ATF7: variants seen among roughly 807,000 people sequenced by gnomAD.
ATF7 encodes the protein activating transcription factor 7.
A neutral mutation model predicts 50.4 loss-of-function variants in ATF7; 10 were observed. The ratio of observed to expected loss-of-function variants is 0.20; its 90% CI spans 0.12 to 0.34. The LOEUF is 0.34. Among genes scored for constraint, ATF7 ranks in the 10% least tolerant of loss-of-function variants. The pLI is 1.00. For synonymous variants in ATF7, 201 were observed against 226.4 expected (o/e 0.89, Z 1.01); for missense variants, 465 against 613.9 (o/e 0.76, Z 2.56).
intron 2 of ATF7, among the ~76,000 whole-genome samples, chr12:53,582,307 G>A (rs1271505230): frequency 2.0e-5 from 3 of 146,460 alleles, no homozygotes; most frequent in African/African-American, 7.6e-5. Flanking sequence ...CCAGCCTGGC[G>A]ACATAGCAAG....
intron 2 of ATF7, among the ~76,000 whole-genome samples, chr12:53,593,375 C>T (rs927557433): frequency 6.6e-6 from 1 of 151,920 alleles, no homozygotes; most frequent in Non-Finnish European, 1.5e-5. Flanking sequence ...GCCTGGGTGA[C>T]AGAACAAGAC....
chr12:53,552,417 AT>A, intron 3 of ATF7, 123 bp downstream of exon 3: 1 of 692,858 alleles, frequency 1.4e-6, no homozygotes, highest in South Asian at 1.9e-5. Flanking sequence ...TCCTGATTAA[AT>A]GCAGATCACA....
chr12:53,537,725 A>G (rs540103997), intron 4 of ATF7, among the ~76,000 whole-genome samples, 173 bp from the exon 5 acceptor site: 1 of 150,868 alleles, frequency 6.6e-6, no homozygotes, highest in East Asian at 2.0e-4. Flanking sequence ...TTTGTTTTGT[A>G]TTTTGAGGCG....
rs1720042872 is a variant in ATF7 at position 53,626,292 on chromosome 12, C to G, written c.-35G>C. The G allele has an allele frequency of 6.5e-6, 1 of 152,902 alleles. No individual in the cohort carries two copies. The highest frequency in any genetic ancestry group is 1.5e-5 in the Non-Finnish European group (1 of 68,258). The allele number at this position is 152,902 out of a possible 1,614,324, so 9.5% of individuals were successfully genotyped here. A position where few individuals can be genotyped will look rare whatever the true frequency, so the allele number is the denominator to read the frequency against. On this transcript the variant is annotated 5_prime_UTR_variant, in exon 1 of 12. Transcript: ENST00000420353. ...AAAAGGACTTACCGGCTGGTAGCTC[C>G]GTTGCCTCCCGCCTGCCCGCGCTCG...
intron 1 of ATF7, among the ~76,000 whole-genome samples, chr12:53,611,511 G>A (rs748534034): frequency 4.6e-5 from 7 of 152,174 alleles, no homozygotes; most frequent in Non-Finnish European, 8.8e-5. Flanking sequence ...TGATGAGTTA[G>A]CAAACTTCAA....
At chr12:53,591,087 A>G (rs754798457) in intron 2 of ATF7, among the ~76,000 whole-genome samples, 8 of 152,192 alleles carry the variant, frequency 5.3e-5, no homozygotes, top group Non-Finnish European at 8.8e-5. Flanking sequence ...CTGATGCAAG[A>G]TGTTAACAAT....
intron 5 of ATF7, among the ~76,000 whole-genome samples, chr12:53,536,191 A>T (rs546312870): frequency 6.6e-6 from 1 of 152,006 alleles, no homozygotes; most frequent in Non-Finnish European, 1.5e-5. Context: ...CTTGAATTTT[A>T]TAAGTATGTA....
At chr12:53,552,475 G>A (rs1396190423) in intron 3 of ATF7, 66 bp downstream of exon 3, 16 of 1,223,994 alleles carry the variant, frequency 1.3e-5, no homozygotes, top group Non-Finnish European at 1.9e-5. Flanking sequence ...CAGTACATCT[G>A]GTCTCTGGTA....
intron 2 of ATF7, among the ~76,000 whole-genome samples, chr12:53,561,283 A>G (rs1941090238): frequency 6.6e-6 from 1 of 150,392 alleles, no homozygotes; most frequent in Non-Finnish European, 1.5e-5. Flanking sequence ...CACAGAAGAC[A>G]GCACCACTGC....
At chr12:53,511,696 C>T (rs546939124), downstream of ATF7, among the ~76,000 whole-genome samples, 2 of 152,268 alleles carry the variant, frequency 1.3e-5, no homozygotes, top group East Asian at 3.9e-4. Context: ...GGGTTGGCAA[C>T]AAAACACTGA....
intron 1 of ATF7, 21 bp from the exon 2 acceptor site, chr12:53,601,042 G>T: frequency 6.5e-7 from 1 of 1,527,274 alleles, no homozygotes; most frequent in South Asian, 1.2e-5. Flanking sequence ...GGAGGTGAGG[G>T]AAAAAGTTAT....
At chr12:53,622,387 G>A (rs1311622393) in intron 1 of ATF7, among the ~76,000 whole-genome samples, 3 of 151,548 alleles carry the variant, frequency 2.0e-5, no homozygotes, top group Non-Finnish European at 4.4e-5. Context: ...TTGAGAGGCC[G>A]AGGAGGGCAG....
At chr12:53,558,700 C>A (rs1940902430) in intron 2 of ATF7, among the ~76,000 whole-genome samples, 1 of 151,926 alleles carries the variant, frequency 6.6e-6, no homozygotes, top group African/African-American at 2.4e-5. Context: ...ATTTTTACTC[C>A]CTTATGAAGA....
intron 1 of ATF7, among the ~76,000 whole-genome samples, chr12:53,605,063 A>G (rs1943548174): frequency 6.6e-6 from 1 of 152,202 alleles, no homozygotes; most frequent in South Asian, 2.1e-4. Context: ...ACTCCAGATT[A>G]TAAAAAAGAG....
intron 11 of ATF7, among the ~76,000 whole-genome samples, chr12:53,519,228 A>G (rs965860811): frequency 6.6e-5 from 10 of 152,128 alleles, no homozygotes; most frequent in Admixed American, 6.5e-4. Context: ...CGGGAACCCT[A>G]TCCTTAGGAA....
chr12:53,515,015 T>A lies in ATF7; in HGVS notation c.*2122A>T, dbSNP rs1592760023. Reference sequence around the variant, plus strand: ...CTGAGCACAAGTTACGGCTGTGAATTTTTAAAGGCAAAAGTGAAGTCCCTG... The same window carrying A: ...CTGAGCACAAGTTACGGCTGTGAATATTTAAAGGCAAAAGTGAAGTCCCTG... On this transcript the variant is annotated 3_prime_UTR_variant, in exon 12 of 12. Coordinates refer to ENST00000420353, the MANE Select transcript of ATF7 (RefSeq NM_006856.3). 1 of 152,184 alleles carries A rather than the reference T, an allele frequency of 6.6e-6. No individual in the cohort carries two copies. Among genetic ancestry groups the A allele is most frequent in the Admixed American group, 6.5e-5 (1 of 15,270 alleles). 9.4% of individuals were successfully genotyped at this position (152,184 alleles called of 1,614,324 possible). A position where few individuals can be genotyped will look rare whatever the true frequency, so the allele number is the denominator to read the frequency against.
intron 2 of ATF7, among the ~76,000 whole-genome samples, chr12:53,565,921 C>T (rs180867705): frequency 6.6e-6 from 1 of 152,318 alleles, no homozygotes; most frequent in East Asian, 1.9e-4. Context: ...GTTTTATGGA[C>T]TCACAGTTCC....
chr12:53,513,456 C>T lies in ATF7; in HGVS notation c.*3681G>A, dbSNP rs1944192317. On this transcript the variant is annotated 3_prime_UTR_variant, in exon 12 of 12. Coordinates refer to ENST00000420353, the MANE Select transcript of ATF7 (RefSeq NM_006856.3). The stretch of plus-strand genomic sequence containing the variant: ...GGAGTCCTTTAATCTGCCTTAGGAT[C>T]CCCACCTTTCCTGTTCTTCCAGACA... 1 of 152,040 alleles carries T rather than the reference C, an allele frequency of 6.6e-6. No homozygotes were observed. The highest frequency in any genetic ancestry group is 1.5e-5 in the Non-Finnish European group (1 of 68,036). The allele number at this position is 152,040 out of a possible 1,614,324, so 9.4% of individuals were successfully genotyped here. A position where few individuals can be genotyped will look rare whatever the true frequency, so the allele number is the denominator to read the frequency against.
chr12:53,534,271 T>C (rs1169017249), intron 6 of ATF7, among the ~76,000 whole-genome samples: 1 of 152,110 alleles, frequency 6.6e-6, no homozygotes, highest in Non-Finnish European at 1.5e-5. Flanking sequence ...AGCGAGCCTC[T>C]ATCTCAAAAA....
Sources: allele counts gnomAD v4.1 joint callset (sites outside exome capture counted in the v4.1 genomes callset), GRCh38; gene constraint gnomAD v4.1.1; transcripts MANE v1.5; gene names NCBI Gene and HGNC (gene_info 2026-07-23, HGNC 2026-07-21).